Variants in LRRTM3 observed in about 807,000 individuals in gnomAD.
LRRTM3 encodes the protein leucine rich repeat transmembrane neuronal 3.
In LRRTM3, 24 loss-of-function variants were observed where a neutral mutation model predicts 44.7. The ratio of observed to expected loss-of-function variants is 0.54; its 90% CI spans 0.39 to 0.76. The LOEUF (loss-of-function observed/expected upper bound fraction) is 0.76, where lower values mean the gene tolerates loss of function less well. LRRTM3 is among the 30% of genes least tolerant of loss of function. The pLI, the probability that LRRTM3 is intolerant of heterozygous loss-of-function variation, is 0.00. For synonymous variants in LRRTM3, 277 were observed against 278.7 expected (o/e 0.99, Z 0.06); for missense variants, 587 against 702.2 (o/e 0.84, Z 1.85).
intron 2 of LRRTM3, among the ~76,000 whole-genome samples, chr10:66,978,552 A>AAATAAAAAAAATATATATATATATAT: frequency 7.9e-5 from 3 of 37,884 alleles, no homozygotes; most frequent in Non-Finnish European, 9.7e-5. Flanking sequence ...AAAAAAAAAA[A>AAATAAAAAAAATATATATATATATAT]ATATATATAT....
Position 67,099,026 on chromosome 10 carries a change from T to C in LRRTM3, c.*1230T>C, listed in dbSNP as rs748914893. The C allele has an allele frequency of 6.6e-6, 1 of 151,836 alleles. No individual in the cohort carries two copies. The highest frequency in any genetic ancestry group is 1.5e-5 in the Non-Finnish European group (1 of 67,854). The allele number at this position is 151,836 out of a possible 1,614,324, so 9.4% of individuals were successfully genotyped here. On this transcript the variant is annotated 3_prime_UTR_variant, in exon 3 of 3. Coordinates refer to ENST00000361320, the MANE Select transcript of LRRTM3 (RefSeq NM_178011.5). ...GCTCATTCAATATAGATATGAGCCA[T>C]GGTGGAGAACTTTATCACTCAAGTA...
intron 2 of LRRTM3, among the ~76,000 whole-genome samples, chr10:67,049,937 A>T (rs1386638707): frequency 1.3e-5 from 2 of 152,222 alleles, no homozygotes; most frequent in Non-Finnish European, 2.9e-5. Context: ...AAATCCCTAA[A>T]TGTGTTCAGA....
chr10:67,063,244 T>C (rs1323502804), intron 2 of LRRTM3, among the ~76,000 whole-genome samples: 1 of 152,210 alleles, frequency 6.6e-6, no homozygotes, highest in African/African-American at 2.4e-5. Flanking sequence ...ATAATAACTC[T>C]GATGCAAGAT....
chr10:66,978,526 C>CAAAAAAAAAAAAAAAAAA (rs1170594360), intron 2 of LRRTM3, among the ~76,000 whole-genome samples: 1 of 42,320 alleles, frequency 2.4e-5, no homozygotes, highest in African/African-American at 1.0e-4. Flanking sequence ...GACTCCATCT[C>CAAAAAAAAAAAAAAAAAA]AAAAAAAAAA....
chr10:67,023,251 T>G (rs1853142835), intron 2 of LRRTM3, among the ~76,000 whole-genome samples: 2 of 152,112 alleles, frequency 1.3e-5, no homozygotes, highest in Admixed American at 6.5e-5. Context: ...TAATCTACAG[T>G]GAATAGGCCA....
At chr10:67,094,814 T>C (rs1321303395) in intron 2 of LRRTM3, among the ~76,000 whole-genome samples, 1 of 151,738 alleles carries the variant, frequency 6.6e-6, no homozygotes, top group Non-Finnish European at 1.5e-5. Context: ...GAAAAATTTA[T>C]GAGTAAATGT....
At chr10:67,059,700 T>C (rs1403060292) in intron 2 of LRRTM3, among the ~76,000 whole-genome samples, 1 of 152,134 alleles carries the variant, frequency 6.6e-6, no homozygotes, top group East Asian at 1.9e-4. Flanking sequence ...CCAAACTTGG[T>C]CTTCATGAAT....
At chr10:66,968,370 G>A (rs986518227) in intron 2 of LRRTM3, among the ~76,000 whole-genome samples, 5 of 148,212 alleles carry the variant, frequency 3.4e-5, no homozygotes, top group East Asian at 2.0e-4. Context: ...AAAACACATC[G>A]AAAAAAGATA....
At chr10:67,034,621 T>C (rs1853930442) in intron 2 of LRRTM3, among the ~76,000 whole-genome samples, 1 of 152,204 alleles carries the variant, frequency 6.6e-6, no homozygotes, top group Non-Finnish European at 1.5e-5. Flanking sequence ...AACCTACAAA[T>C]AAATTACAAG....
At chr10:67,078,448 C>T (rs1402506162) in intron 2 of LRRTM3, among the ~76,000 whole-genome samples, 1 of 152,038 alleles carries the variant, frequency 6.6e-6, no homozygotes, top group Non-Finnish European at 1.5e-5. Flanking sequence ...TGTTACTCCC[C>T]TTAAATTATT....
intron 2 of LRRTM3, among the ~76,000 whole-genome samples, chr10:66,996,517 G>A (rs915592735): frequency 1.4e-4 from 22 of 151,818 alleles, no homozygotes; most frequent in African/African-American, 4.3e-4. Context: ...GCGTGGTGGC[G>A]CGTGCCTGTA....
At chr10:67,024,593 T>C (rs2133085164) in intron 2 of LRRTM3, among the ~76,000 whole-genome samples, 1 of 152,306 alleles carries the variant, frequency 6.6e-6, no homozygotes, top group Non-Finnish European at 1.5e-5. Context: ...TAAAATCATT[T>C]TCCTAACTTT....
At chr10:66,974,803 T>C (rs182965638) in intron 2 of LRRTM3, among the ~76,000 whole-genome samples, 62 of 152,124 alleles carry the variant, frequency 4.1e-4, no homozygotes, top group Admixed American at 2.3e-3. Flanking sequence ...ACCAACCATT[T>C]GTTTTTTTTT....
In LRRTM3 at chr10:67,018,777, G is replaced by A. The variant is rs192917190; in HGVS notation, c.1537-78810G>A. On this transcript the variant is annotated intron_variant, in intron 2 of 2. Transcript: ENST00000361320. ...GATTAAAGGAGTTAATTTGAGCAAC[G>A]CACTTAAAACAGTTCATGGAAGGTG... is the stretch of plus-strand genomic sequence containing the variant. 1.1e-3 allele frequency among the ~76,000 whole-genome samples: 169 copies of A among 152,316 alleles called. 1 individual carries two copies. Among genetic ancestry groups the A allele is most frequent in the Middle Eastern group, 3.4e-3 (1 of 294 alleles).
intron 2 of LRRTM3, among the ~76,000 whole-genome samples, chr10:66,937,387 A>G (rs1043369223): frequency 6.6e-6 from 1 of 152,212 alleles, no homozygotes; most frequent in African/African-American, 2.4e-5. Context: ...TGAAGATTCA[A>G]TGAGATGATG....
rs548555914 is a variant in LRRTM3, at chr10:67,061,027, T to G, written c.1537-36560T>G. Among the ~76,000 whole-genome samples the G allele has an allele frequency of 7.9e-5, 12 of 152,216 alleles. No homozygotes were observed. In the South Asian group the frequency reaches 2.5e-3, roughly 32 times the overall value. On this transcript the variant is annotated intron_variant, in intron 2 of 2. Coordinates refer to ENST00000361320, the MANE Select transcript of LRRTM3 (RefSeq NM_178011.5). Reference sequence around the variant, plus strand: ...AGTCATGGGAACCTTCCTTAGTGACTCAATGAAATTTTATTTTAATACACT... The same window carrying G: ...AGTCATGGGAACCTTCCTTAGTGACGCAATGAAATTTTATTTTAATACACT...
intron 2 of LRRTM3, among the ~76,000 whole-genome samples, chr10:66,986,672 C>A (rs2132911531): frequency 6.6e-6 from 1 of 152,218 alleles, no homozygotes; most frequent in East Asian, 1.9e-4. Context: ...GTCAACTATA[C>A]CTTGTAAGTC....
intron 2 of LRRTM3, among the ~76,000 whole-genome samples, chr10:66,969,097 C>G (rs773516925): frequency 5.9e-5 from 9 of 151,694 alleles, no homozygotes; most frequent in Non-Finnish European, 8.8e-5. Context: ...AAATAACATC[C>G]ATTGCTTTAT....
intron 2 of LRRTM3, among the ~76,000 whole-genome samples, chr10:66,943,275 T>C (rs1373563735): frequency 2.0e-5 from 3 of 152,128 alleles, no homozygotes; most frequent in Non-Finnish European, 4.4e-5. Flanking sequence ...CATAGAGCTG[T>C]TGTGTGGATT....
Sources: gnomAD v4.1 joint callset for allele counts (sites outside exome capture counted in the v4.1 genomes callset) on GRCh38, gnomAD v4.1.1 for gene constraint, MANE v1.5 for transcripts, NCBI Gene and HGNC (gene_info 2026-07-23, HGNC 2026-07-21) for gene names.